The following ZDHHC19 variants were observed in gnomAD, a reference collection of about 807,000 sequenced individuals.
ZDHHC19 encodes the protein zDHHC palmitoyltransferase 19, also known as palmitoyltransferase ZDHHC19.
In ZDHHC19, 30 loss-of-function variants were observed where a neutral mutation model predicts 33.9. The observed-to-expected ratio is 0.88, with a 90% confidence interval of 0.66 to 1.20. The LOEUF is 1.20. ZDHHC19 is among the 50% of genes most tolerant of loss of function. The probability of loss-of-function intolerance (pLI) is 0.00; values close to 1 mark genes in which losing one functional copy is unlikely to be tolerated. For missense variants in ZDHHC19, 364 were observed against 401.1 expected (o/e 0.91, Z 0.79); for synonymous variants, 178 against 167.6 (o/e 1.06, Z -0.48).
At chr3:196,200,586 C>G (rs888519115) in intron 5 of ZDHHC19, among the ~76,000 whole-genome samples, 3 of 150,394 alleles carry the variant, frequency 2.0e-5, no homozygotes, top group Non-Finnish European at 4.4e-5. Context: ...GATCTCCTGA[C>G]CTCGTGATCC....
At chr3:196,209,922 G>T (rs1053549293) in intron 2 of ZDHHC19, among the ~76,000 whole-genome samples, 2 of 152,132 alleles carry the variant, frequency 1.3e-5, no homozygotes, top group Admixed American at 6.5e-5. Flanking sequence ...CCGGGCGCGG[G>T]GGCTCACGCC....
Position 196,201,139 on chromosome 3 carries a change from C to A in ZDHHC19, c.688-2265G>T, listed in dbSNP as rs145712891. 4.2e-3 allele frequency among the ~76,000 whole-genome samples: 635 copies of A among 151,708 alleles called. 17 individuals are homozygous for A. In the South Asian group the frequency reaches 0.062, roughly 15 times the overall value. On this transcript the variant is annotated intron_variant, in intron 5 of 7. Transcript: ENST00000296326. ...CCAGGCTGGAGTGCAGTGGCACGAT[C>A]TTGGCTCACTGCAACCTCCGCCTCC...
At chr3:196,210,345 AGAG>A (rs775903692) in intron 2 of ZDHHC19, among the ~76,000 whole-genome samples, 5 of 118,348 alleles carry the variant, frequency 4.2e-5, no homozygotes, top group Non-Finnish European at 6.9e-5. Flanking sequence ...AAGAAAGAAA[AGAG>A]AAAGAAAGAA....
intron 2 of ZDHHC19, among the ~76,000 whole-genome samples, chr3:196,210,268 G>GAGAAAGAAAGAAAGAAAAGAGAA (rs1723124063): frequency 8.4e-6 from 1 of 119,172 alleles, no homozygotes; most frequent in Non-Finnish European, 1.7e-5. Flanking sequence ...AGAAAGAAAA[G>GAGAAAGAAAGAAAGAAAAGAGAA]AGAAAGAAAG....
chr3:196,205,684 CAG>C (rs752370151), intron 5 of ZDHHC19, among the ~76,000 whole-genome samples: 16 of 152,178 alleles, frequency 1.1e-4, no homozygotes, highest in Non-Finnish European at 2.4e-4. Context: ...TGTTTTGAGA[CAG>C]AGTCTGGCTC....
At chr3:196,211,022 C>T (rs1362285027) in intron 1 of ZDHHC19, 148 bp downstream of exon 1, 18 of 1,377,104 alleles carry the variant, frequency 1.3e-5, no homozygotes, top group Middle Eastern at 3.9e-4. Flanking sequence ...ACCTCTGCAC[C>T]TTTGCACGTC....
intron 5 of ZDHHC19, among the ~76,000 whole-genome samples, chr3:196,202,653 G>A (rs907868613): frequency 2.0e-5 from 3 of 152,292 alleles, no homozygotes; most frequent in East Asian, 1.9e-4. Flanking sequence ...CCTGAGGGGC[G>A]GGGACAGGCC....
rs1721917001 is a variant in ZDHHC19, at chr3:196,197,830, A to C, written c.*20-105T>G. On this transcript the variant is annotated intron_variant, in intron 7 of 7. Transcript: ENST00000296326. The surrounding 1 kb of genome is among the most constrained non-coding windows in gnomAD (Gnocchi z 4.4). ...CAAAGGGAGCGGGCTGGCCCCACAG[A>C]ATGTGCTGCAGAGGCCCCGGGGCGC... 1 of 154,498 alleles carries C rather than the reference A, an allele frequency of 6.5e-6. No individual in the cohort carries two copies. Among genetic ancestry groups the C allele is most frequent in the Non-Finnish European group, 1.4e-5 (1 of 69,786 alleles). 9.6% of individuals were successfully genotyped at this position (154,498 alleles called of 1,614,324 possible). A position where few individuals can be genotyped will look rare whatever the true frequency, so the allele number is the denominator to read the frequency against.
At chr3:196,202,737 C>T (rs920698335) in intron 5 of ZDHHC19, among the ~76,000 whole-genome samples, 3 of 152,248 alleles carry the variant, frequency 2.0e-5, no homozygotes, top group Non-Finnish European at 2.9e-5. Flanking sequence ...GGCCTGACCA[C>T]TGGCTTTGGC....
rs1560143626 is a variant in ZDHHC19 at position 196,210,705 on chromosome 3, G to T, written c.179C>A (p.Ala60Asp). 5.6e-6 allele frequency: 9 copies of T among 1,613,862 alleles called. No individual in the cohort carries two copies. Among genetic ancestry groups the T allele is most frequent in the Non-Finnish European group, 7.6e-6 (9 of 1,179,970 alleles). ...CRWLAQNGEW[A>D]FPVITGSLFV... ...GAGGGAGCCTGTGATAACAGGAAAG[G>T]CCCACTCCCCGTTCTGAGCCAGCCA... The change falls in exon 2 of 8, where the codon GCC (alanine) becomes GAC (aspartate). Residue 60 changes from alanine to aspartate, a missense_variant. Ala to Asp is a moderately radical substitution (Grantham distance 126, BLOSUM62 -2). Coordinates refer to ENST00000296326, the MANE Select transcript of ZDHHC19 (RefSeq NM_001039617.2).
Position 196,197,908 on chromosome 3 carries a change from C to T in ZDHHC19, c.*20-183G>A, listed in dbSNP as rs1006542968. Among the ~76,000 whole-genome samples the T allele has an allele frequency of 6.6e-6, 1 of 152,104 alleles. No individual in the cohort carries two copies. The highest frequency in any genetic ancestry group is 1.5e-5 in the Non-Finnish European group (1 of 68,012). The stretch of plus-strand genomic sequence containing the variant: ...CCTGATGCTCCACCTCCATGTCTCA[C>T]GGGGCTTCGAGTCAATGTTTCCTTT... On this transcript the variant is annotated intron_variant, in intron 7 of 7. Coordinates refer to ENST00000296326, the MANE Select transcript of ZDHHC19 (RefSeq NM_001039617.2). The surrounding 1 kb of genome is among the most constrained non-coding windows in gnomAD (Gnocchi z 4.4).
At chr3:196,200,527 T>TG (rs1306500622) in intron 5 of ZDHHC19, among the ~76,000 whole-genome samples, 1 of 150,230 alleles carries the variant, frequency 6.7e-6, no homozygotes, top group Non-Finnish European at 1.5e-5. Flanking sequence ...GCTAATTTTT[T>TG]GTATTTTTAG....
rs952559090 is a variant in ZDHHC19, at chr3:196,203,251, GAAAAA to G, written c.687+4142_687+4146del. On this transcript the variant is annotated intron_variant, in intron 5 of 7. Transcript: ENST00000296326. This position sits in a 1 kb window ranked among gnomAD's most constrained non-coding sequence, Gnocchi z 4.3. ...CAGAGAAATACTCTGTCTCAAAAAA[GAAAAA>G]AAAAGAAAGAAAGAAGAAAGAAAGA... Among the ~76,000 whole-genome samples the G allele has an allele frequency of 6.8e-6, 1 of 148,040 alleles. No homozygotes were observed. Among genetic ancestry groups the G allele is most frequent in the Non-Finnish European group, 1.5e-5 (1 of 66,794 alleles).
intron 5 of ZDHHC19, among the ~76,000 whole-genome samples, chr3:196,200,267 C>T (rs1722156450): frequency 6.7e-6 from 1 of 148,302 alleles, no homozygotes; most frequent in Non-Finnish European, 1.5e-5. Flanking sequence ...AGAGTGGGAC[C>T]CTGTCTCTAG....
At chr3:196,200,008 G>A (rs765105895) in intron 5 of ZDHHC19, among the ~76,000 whole-genome samples, 4 of 151,622 alleles carry the variant, frequency 2.6e-5, no homozygotes, top group Non-Finnish European at 5.9e-5. Context: ...ATGGAATTTG[G>A]GCCAGGCATG....
intron 4 of ZDHHC19, among the ~76,000 whole-genome samples, chr3:196,207,749 C>A (rs1722876852): frequency 4.8e-5 from 1 of 20,736 alleles, no homozygotes; most frequent in Non-Finnish European, 9.4e-5. Flanking sequence ...TGGCCCCGCC[C>A]CTCAGGCCCG....
intron 5 of ZDHHC19, among the ~76,000 whole-genome samples, chr3:196,204,777 A>C (rs1401163873): frequency 6.6e-6 from 1 of 152,190 alleles, no homozygotes; most frequent in Non-Finnish European, 1.5e-5. Context: ...AAATAGTACC[A>C]CTATTTTGGA....
chr3:196,207,392 G>C lies in ZDHHC19; in HGVS notation c.687+6C>G. 6.4e-7 allele frequency: 1 copy of C among 1,553,336 alleles called. No individual in the cohort carries two copies. Among genetic ancestry groups the C allele is most frequent in the Non-Finnish European group, 8.7e-7 (1 of 1,149,064 alleles). ...GTGCAAGCTGACCACCCGCGGCCCC[G>C]CGTACCTTGCCCTTGTAGGTGCGGT... On this transcript the variant is annotated splice_donor_region_variant and intron_variant, in intron 5 of 7. Transcript: ENST00000296326.
At chr3:196,204,949 T>C (rs1245436920) in intron 5 of ZDHHC19, among the ~76,000 whole-genome samples, 1 of 152,062 alleles carries the variant, frequency 6.6e-6, no homozygotes, top group African/African-American at 2.4e-5. Context: ...CTACTAAAAA[T>C]GCAAAAATTA....
Sources: allele counts gnomAD v4.1 joint callset (sites outside exome capture counted in the v4.1 genomes callset), GRCh38; gene constraint gnomAD v4.1.1; non-coding constraint Gnocchi (gnomAD v3.1); transcripts MANE v1.5; gene names NCBI Gene and HGNC (gene_info 2026-07-23, HGNC 2026-07-21).